Variants in GPC5 observed in about 807,000 individuals in gnomAD.
GPC5 encodes the protein glypican-5.
In GPC5, 47 loss-of-function variants were observed where a neutral mutation model predicts 53.9. The ratio of observed to expected loss-of-function variants is 0.87; its 90% CI spans 0.69 to 1.11. The LOEUF is 1.11. Among genes scored for constraint, GPC5 ranks in the 50% most tolerant of loss-of-function variants. The probability of loss-of-function intolerance (pLI) is 0.00; values close to 1 mark genes in which losing one functional copy is unlikely to be tolerated. For missense variants in GPC5, 748 were observed against 713.1 expected (o/e 1.05, Z -0.56); for synonymous variants, 286 against 263.3 (o/e 1.09, Z -0.84).
At chr13:92,766,004 AAT>A (rs1270223855) in intron 7 of GPC5, among the ~76,000 whole-genome samples, 4 of 152,178 alleles carry the variant, frequency 2.6e-5, no homozygotes, top group African/African-American at 9.6e-5. Flanking sequence ...GCTCAAAGTT[AAT>A]GTTTCCTATC....
intron 5 of GPC5, among the ~76,000 whole-genome samples, chr13:91,794,419 A>G (rs960955374): frequency 6.6e-6 from 1 of 152,150 alleles, no homozygotes; most frequent in African/African-American, 2.4e-5. Flanking sequence ...AGCCTGTCAC[A>G]CGATTCTAAC....
chr13:92,422,353 C>A (rs1349388100), intron 7 of GPC5, among the ~76,000 whole-genome samples: 1 of 152,116 alleles, frequency 6.6e-6, no homozygotes, highest in Non-Finnish European at 1.5e-5. Flanking sequence ...CTTCCAAGAT[C>A]TTTCTGTACC....
At chr13:92,790,171 A>T (rs1353078725) in intron 7 of GPC5, among the ~76,000 whole-genome samples, 1 of 152,038 alleles carries the variant, frequency 6.6e-6, no homozygotes, top group Non-Finnish European at 1.5e-5. Context: ...ACTGACTCAA[A>T]TGTTAATCTC....
At chr13:92,395,399 G>A (rs1009631338) in intron 7 of GPC5, among the ~76,000 whole-genome samples, 12 of 152,024 alleles carry the variant, frequency 7.9e-5, no homozygotes, top group Admixed American at 5.2e-4. Flanking sequence ...CAATTCCCCC[G>A]TTTTGTCCCT....
Position 92,292,789 on chromosome 13 carries a change from A to G in GPC5, c.1561+147800A>G, listed in dbSNP as rs1206556341. Among the ~76,000 whole-genome samples the G allele has an allele frequency of 2.6e-5, 4 of 152,226 alleles. No homozygotes were observed. In the East Asian group the frequency reaches 7.7e-4, roughly 29 times the overall value. Reference sequence around the variant, plus strand: ...TCCAATGTTATATTCTAGAATTTTTATAGTTTCAGGTCTTATATTTAAGTG... The same window carrying G: ...TCCAATGTTATATTCTAGAATTTTTGTAGTTTCAGGTCTTATATTTAAGTG... On this transcript the variant is annotated intron_variant, in intron 7 of 7. Transcript: ENST00000377067.
intron 6 of GPC5, among the ~76,000 whole-genome samples, chr13:91,914,664 T>TTATATAATAAAATATA (rs1390614779): frequency 1.5e-5 from 1 of 65,966 alleles, no homozygotes; most frequent in South Asian, 6.3e-4. Context: ...CACTCTGTTC[T>TTATATAATAAAATATA]TAGGATACCG....
intron 7 of GPC5, among the ~76,000 whole-genome samples, chr13:92,543,610 G>C (rs1210771025): frequency 6.6e-6 from 1 of 151,806 alleles, no homozygotes; most frequent in Non-Finnish European, 1.5e-5. Context: ...TAAAGTCTAG[G>C]GTACAAGATT....
intron 5 of GPC5, among the ~76,000 whole-genome samples, chr13:91,896,720 T>A (rs1051314516): frequency 6.6e-6 from 1 of 152,076 alleles, no homozygotes; most frequent in African/African-American, 2.4e-5. Flanking sequence ...ATATGCACAT[T>A]TTTCCTATAC....
chr13:92,645,516 T>C (rs917334542), intron 7 of GPC5, among the ~76,000 whole-genome samples: 14 of 152,208 alleles, frequency 9.2e-5, no homozygotes, highest in African/African-American at 2.7e-4. Flanking sequence ...CTTGACTTTA[T>C]ATGTATTACG....
At chr13:91,966,569 A>G (rs1424962254) in intron 6 of GPC5, among the ~76,000 whole-genome samples, 7 of 152,198 alleles carry the variant, frequency 4.6e-5, no homozygotes, top group Admixed American at 2.6e-4. Context: ...TTGCTTCAAA[A>G]TATTTCCTTG....
At chr13:91,486,360 A>G (rs1639832544) in intron 2 of GPC5, 1 of 152,190 alleles carries the variant, frequency 6.6e-6, no homozygotes, top group Admixed American at 6.5e-5. Context: ...TTAACTAGAC[A>G]TTGGCCTTGT....
rs140166022 is a variant in GPC5 at position 92,063,349 on chromosome 13, G to T, written c.1402-81481G>T. 6.6e-3 allele frequency among the ~76,000 whole-genome samples: 997 copies of T among 152,066 alleles called. 13 individuals are homozygous for T. Among genetic ancestry groups the T allele is most frequent in the African/African-American group, 0.023 (962 of 41,480 alleles). On this transcript the variant is annotated intron_variant, in intron 6 of 7. Coordinates refer to ENST00000377067, the MANE Select transcript of GPC5 (RefSeq NM_004466.6). ...TTTCTTACTAACTTAAAATGTCATG[G>T]TGAAGTATTTTTTGAAATCTCAGAG...
intron 5 of GPC5, among the ~76,000 whole-genome samples, chr13:91,878,270 A>G (rs939518982): frequency 6.6e-6 from 1 of 152,142 alleles, no homozygotes; most frequent in African/African-American, 2.4e-5. Flanking sequence ...ACTATTTTCA[A>G]TATTTTTTAT....
At chr13:92,537,369 C>T (rs904700671) in intron 7 of GPC5, among the ~76,000 whole-genome samples, 8 of 152,088 alleles carry the variant, frequency 5.3e-5, no homozygotes, top group African/African-American at 1.9e-4. Flanking sequence ...ACTCTAACTG[C>T]ACCATATAGC....
intron 7 of GPC5, among the ~76,000 whole-genome samples, chr13:92,762,114 A>T (rs1046465057): frequency 1.3e-5 from 2 of 152,166 alleles, no homozygotes; most frequent in African/African-American, 4.8e-5. Flanking sequence ...AAAGGTAATT[A>T]TATAGTCAAA....
At chr13:92,621,442 C>A (rs1884864792) in intron 7 of GPC5, among the ~76,000 whole-genome samples, 1 of 152,140 alleles carries the variant, frequency 6.6e-6, no homozygotes, top group African/African-American at 2.4e-5. Context: ...CATATTTTTT[C>A]TGCGAGGCCA....
At chr13:92,756,289 G>A (rs1874866495) in intron 7 of GPC5, among the ~76,000 whole-genome samples, 2 of 152,006 alleles carry the variant, frequency 1.3e-5, no homozygotes, top group Non-Finnish European at 2.9e-5. Flanking sequence ...AACCCTTCAT[G>A]CTAAAAACTC....
intron 5 of GPC5, among the ~76,000 whole-genome samples, chr13:91,846,868 A>C (rs111252702): frequency 5.3e-5 from 8 of 152,104 alleles, no homozygotes; most frequent in African/African-American, 1.9e-4. Flanking sequence ...GGAAAAAATT[A>C]GATTGTTGGA....
intron 7 of GPC5, among the ~76,000 whole-genome samples, chr13:92,159,176 C>A (rs1235829095): frequency 6.6e-6 from 1 of 152,218 alleles, no homozygotes; most frequent in African/African-American, 2.4e-5. Flanking sequence ...CTATAAATTA[C>A]ATTTCCCTGA....
Sources: gnomAD v4.1 joint callset for allele counts (sites outside exome capture counted in the v4.1 genomes callset) on GRCh38, gnomAD v4.1.1 for gene constraint, MANE v1.5 for transcripts, NCBI Gene and HGNC (gene_info 2026-07-23, HGNC 2026-07-21) for gene names.